PPP1R13B: variants seen among roughly 807,000 people sequenced by gnomAD.
PPP1R13B encodes the protein apoptosis-stimulating of p53 protein 1.
In PPP1R13B, 44 loss-of-function variants were observed where a neutral mutation model predicts 119.8. The ratio of observed to expected loss-of-function variants is 0.37; its 90% CI spans 0.29 to 0.47. The LOEUF (loss-of-function observed/expected upper bound fraction) is 0.47, where lower values mean the gene tolerates loss of function less well. PPP1R13B is among the 20% of genes least tolerant of loss of function. The probability of loss-of-function intolerance (pLI) is 0.99; values close to 1 mark genes in which losing one functional copy is unlikely to be tolerated. For synonymous variants in PPP1R13B, 542 were observed against 561.5 expected, an observed-to-expected ratio of 0.97 and a Z score of 0.49; for missense variants, 1,227 against 1,413.5, an observed-to-expected ratio of 0.87 and a Z score of 2.12.
At chr14:103,795,769 CT>C (rs1387534460) in intron 2 of PPP1R13B, among the ~76,000 whole-genome samples, 21 of 152,166 alleles carry the variant, frequency 1.4e-4, no homozygotes, top group Admixed American at 8.5e-4. Context: ...TGTCATTAGG[CT>C]AACAATTGAG....
chr14:103,831,258 T>TA (rs2086658888), intron 1 of PPP1R13B, among the ~76,000 whole-genome samples: 1 of 151,870 alleles, frequency 6.6e-6, no homozygotes, highest in Admixed American at 6.6e-5. Flanking sequence ...TAATATTTTT[T>TA]ATATAATGAG....
Position 103,734,749 on chromosome 14 carries a change from C to T in PPP1R13B, c.*405G>A, listed in dbSNP as rs114268061. On this transcript the variant is annotated 3_prime_UTR_variant, in exon 17 of 17. Transcript: ENST00000202556. Reference sequence around the variant, plus strand: ...ATTCGGTGACGGGGGGCAGGGCGGTCGCAGGGGAGCAGGCCTCACAGCGGC... The same window carrying T: ...ATTCGGTGACGGGGGGCAGGGCGGTTGCAGGGGAGCAGGCCTCACAGCGGC... The T allele has an allele frequency of 2.8e-4, 131 of 463,094 alleles. No homozygotes were observed. Among genetic ancestry groups the T allele is most frequent in the African/African-American group, 1.2e-3 (59 of 50,490 alleles). 28.7% of individuals were successfully genotyped at this position (463,094 alleles called of 1,614,324 possible).
intron 2 of PPP1R13B, among the ~76,000 whole-genome samples, chr14:103,787,989 C>T (rs2085512262): frequency 6.6e-6 from 1 of 151,776 alleles, no homozygotes; most frequent in Admixed American, 6.6e-5. Flanking sequence ...GGCACACATC[C>T]ATAGTCCCAG....
intron 2 of PPP1R13B, among the ~76,000 whole-genome samples, chr14:103,786,225 G>C (rs1658292967): frequency 6.6e-6 from 1 of 151,932 alleles, no homozygotes. Context: ...AATTTTTGTA[G>C]AGATGGGGTT....
At chr14:103,824,999 C>T (rs540099728) in intron 1 of PPP1R13B, among the ~76,000 whole-genome samples, 1 of 152,136 alleles carries the variant, frequency 6.6e-6, no homozygotes, top group Admixed American at 6.6e-5. Flanking sequence ...AGCACGTCTA[C>T]TGGTGCCATT....
chr14:103,783,726 T>C (rs2152023642), intron 3 of PPP1R13B, among the ~76,000 whole-genome samples: 1 of 152,006 alleles, frequency 6.6e-6, no homozygotes, highest in Admixed American at 6.6e-5. Flanking sequence ...CTATTTAGTA[T>C]TTTCTGTAGA....
At position 103,761,782 on chromosome 14, in the gene PPP1R13B, G is replaced by GA. The variant is rs1017418857; in HGVS notation, c.355-4032dup. Among the ~76,000 whole-genome samples the GA allele has an allele frequency of 1.5e-3, 221 of 149,194 alleles. 4 individuals carry two copies. Among genetic ancestry groups the GA allele is most frequent in the Non-Finnish European group, 5.8e-4 (39 of 67,200 alleles). On this transcript the variant is annotated intron_variant, in intron 4 of 16. Transcript: ENST00000202556. ...CATCTCAAAAAAAAAAAAAGAAAAA[G>GA]AAAAAAAAAGAAACACTAAATAATG...
chr14:103,742,610 G>A lies in PPP1R13B; in HGVS notation c.1320+44C>T, dbSNP rs781363071. On this transcript the variant is annotated intron_variant, in intron 10 of 16. Coordinates refer to ENST00000202556, the MANE Select transcript of PPP1R13B (RefSeq NM_015316.3). The surrounding 1 kb of genome is among the most constrained non-coding windows in gnomAD (Gnocchi z 4.9). Reference sequence around the variant, plus strand: ...TAGTACTAAGGCAGAAGAGAGCCCTGTTGAAGAGCCCGCTTGTGTTCTGTG... The same window carrying A: ...TAGTACTAAGGCAGAAGAGAGCCCTATTGAAGAGCCCGCTTGTGTTCTGTG... 2.5e-6 allele frequency: 4 copies of A among 1,596,340 alleles called. No homozygotes were observed. The South Asian group carries it at 3.4e-5, about 13-fold the overall frequency.
At position 103,737,689 on chromosome 14, in the gene PPP1R13B, C is replaced by T; in HGVS notation, c.3031+5G>A. Reference sequence around the variant, plus strand: ...CCACTGTGGCCCCAGGCCTCCCCTGCGTACCATATAGAAACTGGGAGCACT... The same window carrying T: ...CCACTGTGGCCCCAGGCCTCCCCTGTGTACCATATAGAAACTGGGAGCACT... On this transcript the variant is annotated splice_donor_5th_base_variant and intron_variant, in intron 15 of 16. Coordinates refer to ENST00000202556, the MANE Select transcript of PPP1R13B (RefSeq NM_015316.3). 6.2e-7 allele frequency: 1 copy of T among 1,613,652 alleles called. No homozygotes were observed. Among genetic ancestry groups the T allele is most frequent in the Non-Finnish European group, 8.5e-7 (1 of 1,179,702 alleles).
chr14:103,753,348 T>C, intron 6 of PPP1R13B, 152 bp from the exon 7 acceptor site: 1 of 718,080 alleles, frequency 1.4e-6, no homozygotes, highest in Non-Finnish European at 2.2e-6. Flanking sequence ...TCAAAAAGCC[T>C]TTGGGACACA....
chr14:103,786,914 G>T (rs2085477987), intron 2 of PPP1R13B, among the ~76,000 whole-genome samples: 1 of 151,652 alleles, frequency 6.6e-6, no homozygotes, highest in East Asian at 2.0e-4. Flanking sequence ...CACCATGTTG[G>T]TCAGGTTGGT....
intron 1 of PPP1R13B, among the ~76,000 whole-genome samples, chr14:103,798,152 CTT>C (rs768163941): frequency 4.6e-5 from 6 of 129,154 alleles, no homozygotes; most frequent in Admixed American, 8.2e-5. Context: ...ATAATAATCT[CTT>C]TTTTTTTTTT....
At chr14:103,761,492 T>G (rs972045094) in intron 4 of PPP1R13B, among the ~76,000 whole-genome samples, 1 of 151,958 alleles carries the variant, frequency 6.6e-6, no homozygotes, top group African/African-American at 2.4e-5. Flanking sequence ...GGCCGGGCGC[T>G]GTGGCTCACA....
At chr14:103,813,551 A>G (rs547623884) in intron 1 of PPP1R13B, among the ~76,000 whole-genome samples, 1 of 152,116 alleles carries the variant, frequency 6.6e-6, no homozygotes, top group East Asian at 1.9e-4. Context: ...CCCTGCTGGC[A>G]TTCGTTCTCT....
intron 2 of PPP1R13B, among the ~76,000 whole-genome samples, chr14:103,785,581 G>A (rs55826943): frequency 2.1e-5 from 3 of 144,518 alleles, no homozygotes; most frequent in Non-Finnish European, 3.0e-5. Context: ...GTGCCATCTC[G>A]GCTCACTACA....
Position 103,736,074 on chromosome 14 carries a change from C to T in PPP1R13B, c.3160G>A (p.Glu1054Lys), listed in dbSNP as rs777333232. Residue 1054 changes from glutamate to lysine, a missense_variant, in exon 16 of 17, where the codon GAA becomes AAA. By Grantham distance (56) the Glu-to-Lys change is moderately conservative. Coordinates refer to ENST00000202556, the MANE Select transcript of PPP1R13B (RefSeq NM_015316.3). ...GCCCACCACCACTCAGTCTCGCTTT[C>T]GTCCTTGCGCCTCAGGATGGTGAGG... ...DALTILRRKD[E>K]SETEWWWARL... 27 of 1,614,122 alleles carry T rather than the reference C, an allele frequency of 1.7e-5. No homozygotes were observed. The highest frequency in any genetic ancestry group is 6.6e-5 in the South Asian group (6 of 91,094).
chr14:103,777,939 C>T (rs2085245908), intron 4 of PPP1R13B, among the ~76,000 whole-genome samples: 1 of 150,556 alleles, frequency 6.6e-6, no homozygotes. Context: ...GGACTACAGG[C>T]AGATGCTACC....
Position 103,740,613 on chromosome 14 carries a change from C to T in PPP1R13B, c.1823-20G>A. 6.7e-7 allele frequency: 1 copy of T among 1,490,916 alleles called. No homozygotes were observed. Among genetic ancestry groups the T allele is most frequent in the Non-Finnish European group, 8.9e-7 (1 of 1,122,660 alleles). 92.4% of individuals were successfully genotyped at this position (1,490,916 alleles called of 1,614,324 possible). The stretch of plus-strand genomic sequence containing the variant: ...CATACACTGGGGAAGACACAAAGGA[C>T]AGGCAATTTTGACCTCACTACAGAG... On this transcript the variant is annotated intron_variant, in intron 11 of 16. Coordinates refer to ENST00000202556, the MANE Select transcript of PPP1R13B (RefSeq NM_015316.3). This position sits in a 1 kb window ranked among gnomAD's most constrained non-coding sequence, Gnocchi z 4.6.
intron 9 of PPP1R13B, chr14:103,744,084 C>A (rs1284233353): frequency 6.6e-6 from 1 of 152,230 alleles, no homozygotes; most frequent in Non-Finnish European, 1.5e-5. Flanking sequence ...AACCTGCAGC[C>A]TCCCCAAGGA....
Sources: gnomAD v4.1 joint callset for allele counts (sites outside exome capture counted in the v4.1 genomes callset) on GRCh38, gnomAD v4.1.1 for gene constraint, Gnocchi (gnomAD v3.1) non-coding constraint, MANE v1.5 for transcripts, NCBI Gene and HGNC (gene_info 2026-07-23, HGNC 2026-07-21) for gene names.